Variants in SLC16A5 observed in about 807,000 individuals in gnomAD.
The protein encoded by SLC16A5 is monocarboxylate transporter 6.
A neutral mutation model predicts 33.2 loss-of-function variants in SLC16A5; 29 were observed. The ratio of observed to expected loss-of-function variants is 0.87; its 90% confidence interval spans 0.65 to 1.19. The LOEUF (loss-of-function observed/expected upper bound fraction) is 1.19. Ranked by LOEUF, SLC16A5 falls within the 50% of genes most tolerant of loss-of-function variation. The pLI, the probability that SLC16A5 is intolerant of heterozygous loss-of-function variation, is 0.00. For synonymous variants in SLC16A5, 248 were observed against 284.1 expected (o/e 0.87, Z 1.28); for missense variants, 606 against 678.2 (o/e 0.89, Z 1.18).
Position 75,104,090 on chromosome 17 carries a change from G to A in SLC16A5, c.1274G>A (p.Gly425Asp), listed in dbSNP as rs2073833072. ...TACGCCCTGCAGAAGAAGGAGCAAG[G>A]CAAGCAGGCTGTCGCGGCGGATGCC... ...SFYALQKKEQ[G>D]KQAVAADALE... The change falls in exon 6 of 7, where the codon GGC becomes GAC. Residue 425 changes from glycine (G) to aspartate (D), a missense_variant. Physicochemically the swap from Gly to Asp is moderately conservative, Grantham distance 94. Transcript: ENST00000329783. The A allele has an allele frequency of 2.5e-6, 4 of 1,614,094 alleles. No homozygotes were observed. Among genetic ancestry groups the A allele is most frequent in the Non-Finnish European group, 3.4e-6 (4 of 1,180,036 alleles).
chr17:75,103,871 A>T, intron 5 of SLC16A5, 99 bp from the exon 6 acceptor site: 1 of 1,039,554 alleles, frequency 9.6e-7, no homozygotes, highest in Non-Finnish European at 1.5e-6. Flanking sequence ...AATTCCTAGT[A>T]CAGCAGAGAC....
In SLC16A5 at chr17:75,093,611, G is replaced by A. The variant is rs4789134; in HGVS notation, c.-26G>A. The A allele has an allele frequency of 0.34, 545,633 of 1,595,078 alleles. 98,228 individuals are homozygous for A. Among genetic ancestry groups the A allele is most frequent in the Middle Eastern group, 0.41 (2,471 of 6,020 alleles). Reference sequence around the variant, plus strand: ...CAGGCAGCAGCCACATTGGCAGTGAGGCCGTGGCAGCGTCGGCAGCAGAGG... The same window carrying A: ...CAGGCAGCAGCCACATTGGCAGTGAAGCCGTGGCAGCGTCGGCAGCAGAGG... On this transcript the variant is annotated 5_prime_UTR_variant, in exon 3 of 7. Transcript: ENST00000329783.
intron 2 of SLC16A5, among the ~76,000 whole-genome samples, chr17:75,093,025 C>A (rs2073663344): frequency 6.6e-6 from 1 of 152,020 alleles, no homozygotes; most frequent in African/African-American, 2.4e-5. Context: ...TTGTTAAACT[C>A]CTTTGTGTAT....
In SLC16A5 at chr17:75,100,225, A is replaced by G. The variant is rs775465833; in HGVS notation, c.562A>G (p.Ile188Val). 3 of 1,614,068 alleles carry G rather than the reference A, an allele frequency of 1.9e-6. No individual in the cohort carries two copies. Among genetic ancestry groups the G allele is most frequent in the East Asian group, 2.2e-5 (1 of 44,876 alleles). The part of the protein sequence containing the change: ...IFLHCCICGA[I>V]IRPVATSVAP... The stretch of plus-strand genomic sequence containing the variant: ...TCTCCACTGCTGCATCTGCGGGGCC[A>G]TCATAAGGCCTGTGGCCACCAGTGT... The change falls in exon 5 of 7, where the codon ATC becomes GTC. Residue 188 changes from isoleucine to valine, a missense_variant. Ile to Val is a conservative substitution (Grantham distance 29). Coordinates refer to ENST00000329783, the MANE Select transcript of SLC16A5 (RefSeq NM_004695.4).
chr17:75,098,273 G>A, intron 4 of SLC16A5, 92 bp downstream of exon 4: 1 of 1,535,168 alleles, frequency 6.5e-7, no homozygotes, highest in Non-Finnish European at 8.9e-7. Context: ...TAATCTTCTG[G>A]AACTGCTGGC....
At chr17:75,109,516 G>A (rs1380840704), downstream of SLC16A5, among the ~76,000 whole-genome samples, 1 of 152,182 alleles carries the variant, frequency 6.6e-6, no homozygotes, top group African/African-American at 2.4e-5. The surrounding 1 kb of genome is among the most constrained non-coding windows in gnomAD (Gnocchi z 5.0). Context: ...CTCCAACATG[G>A]GTGCTGCCAG....
downstream of SLC16A5, among the ~76,000 whole-genome samples, chr17:75,108,666 T>C (rs1598159656): frequency 6.8e-6 from 1 of 146,952 alleles, no homozygotes; most frequent in African/African-American, 2.4e-5. Context: ...GTAAACTATA[T>C]GGGTATTCAG....
downstream of SLC16A5, chr17:75,106,292 C>T (rs1003017589): frequency 6.8e-6 from 2 of 293,352 alleles, no homozygotes; most frequent in Non-Finnish European, 1.3e-5. Context: ...ATACCACATG[C>T]TCTGAAGGGA....
chr17:75,100,943 A>G, intron 5 of SLC16A5, 127 bp downstream of exon 5: 1 of 966,462 alleles, frequency 1.0e-6, no homozygotes, highest in African/African-American at 1.6e-5. Flanking sequence ...CACTCAGAGT[A>G]TGAACAGTTA....
chr17:75,088,770 C>A (rs76769431), intron 1 of SLC16A5, among the ~76,000 whole-genome samples: 3 of 152,174 alleles, frequency 2.0e-5, no homozygotes, highest in Non-Finnish European at 4.4e-5. Context: ...CACCAGGCCC[C>A]TAACACGAGA....
chr17:75,089,774 AAAG>A (rs1472728157), intron 2 of SLC16A5: 3 of 146,742 alleles, frequency 2.0e-5, no homozygotes, highest in Non-Finnish European at 4.5e-5. Flanking sequence ...AAAAAAAAAA[AAAG>A]GCGAGAAAAC....
At chr17:75,092,730 GTGTC>G (rs1313232693) in intron 2 of SLC16A5, among the ~76,000 whole-genome samples, 7 of 151,514 alleles carry the variant, frequency 4.6e-5, no homozygotes, top group East Asian at 1.9e-4. Flanking sequence ...GTGTGTGCGT[GTGTC>G]TGTATGTTTC....
At position 75,093,800 on chromosome 17, in the gene SLC16A5, T is replaced by TCCCCTCC. The variant is rs1293421942; in HGVS notation, c.165_171dup (p.Ile58ProfsTer144). ...GCCAGCAACAGCGAGACCTCTTGGT[T>TCCCCTCC]CCCCTCCATCCTCACGGCTGTGCTC... On this transcript the variant is annotated frameshift_variant, in exon 3 of 7. Coordinates refer to ENST00000329783, the MANE Select transcript of SLC16A5 (RefSeq NM_004695.4). LOFTEE classifies it high-confidence loss of function. 2.4e-5 allele frequency: 39 copies of TCCCCTCC among 1,613,972 alleles called. No homozygotes were observed. Among genetic ancestry groups the TCCCCTCC allele is most frequent in the Non-Finnish European group, 2.7e-5 (32 of 1,179,986 alleles).
In SLC16A5 at chr17:75,098,159, C is replaced by T; in HGVS notation, c.321C>T (p.Tyr107=). The change falls in exon 4 of 7, where the codon TAC becomes TAT. Residue 107 remains tyrosine, a synonymous_variant. Coordinates refer to ENST00000329783, the MANE Select transcript of SLC16A5 (RefSeq NM_004695.4). ...TCTCTCACAACCTCAGCCAGCTCTA[C>T]TTCACAGCAGGATTCATCACAGGTG... is the stretch of plus-strand genomic sequence containing the variant. ...SSFSHNLSQL[Y]FTAGFITGLG... 2 of 1,612,988 alleles carry T rather than the reference C, an allele frequency of 1.2e-6. No homozygotes were observed. The highest frequency in any genetic ancestry group is 1.7e-6 in the Non-Finnish European group (2 of 1,179,558).
At chr17:75,093,324 C>T (rs2073667504) in intron 2 of SLC16A5, 3 of 1,313,100 alleles carry the variant, frequency 2.3e-6, no homozygotes, top group Non-Finnish European at 3.2e-6. Flanking sequence ...GCCACCTGCC[C>T]TGCCCCGTCC....
Position 75,104,168 on chromosome 17 carries a change from C to T in SLC16A5, c.1352C>T (p.Ser451Phe), listed in dbSNP as rs1433804657. 3 of 1,613,900 alleles carry T rather than the reference C, an allele frequency of 1.9e-6. No individual in the cohort carries two copies. The African/African-American group carries it at 4.0e-5, about 22-fold the overall frequency. Residue 451 changes from serine (S) to phenylalanine (F), a missense_variant, in exon 6 of 7, where the codon TCC becomes TTC. Ser to Phe is a radical substitution (Grantham distance 155). Transcript: ENST00000329783. ...EAKDGPGKQR[S>F]PEIMCQSSRQ... ...AAAGACGGTCCTGGGAAGCAACGGTCCCCTGAGATCATGTATGTAACCAGC... is the reference window on the plus strand; with the variant it reads ...AAAGACGGTCCTGGGAAGCAACGGTTCCCTGAGATCATGTATGTAACCAGC...
At chr17:75,091,225 G>A (rs1386034318) in intron 2 of SLC16A5, among the ~76,000 whole-genome samples, 1 of 152,146 alleles carries the variant, frequency 6.6e-6, no homozygotes, top group Non-Finnish European at 1.5e-5. Flanking sequence ...GAGGAGAGGC[G>A]AGCTATGGAG....
intron 3 of SLC16A5, among the ~76,000 whole-genome samples, chr17:75,097,573 G>A (rs532968296): frequency 6.6e-4 from 100 of 152,208 alleles, no homozygotes; most frequent in African/African-American, 2.3e-3. Flanking sequence ...CAGTCTTCCT[G>A]AGGATGTTGG....
chr17:75,089,759 A>G (rs1243228511), intron 2 of SLC16A5: 3 of 107,624 alleles, frequency 2.8e-5, no homozygotes, highest in African/African-American at 1.6e-4. Context: ...ATCTCAGAAA[A>G]AAAAAAAAAA....
Sources: allele counts gnomAD v4.1 joint callset (sites outside exome capture counted in the v4.1 genomes callset), GRCh38; gene constraint gnomAD v4.1.1; non-coding constraint Gnocchi (gnomAD v3.1); transcripts MANE v1.5; gene names NCBI Gene and HGNC (gene_info 2026-07-23, HGNC 2026-07-21).